The following OSBPL10 variants were observed in gnomAD, a reference collection of about 807,000 sequenced individuals.
OSBPL10 encodes the protein oxysterol binding protein like 10.
OSBPL10 carries 49 observed loss-of-function variants against 81.7 expected under a neutral mutation model. The observed-to-expected ratio is 0.60, with a 90% CI of 0.48 to 0.76. The LOEUF is 0.76. OSBPL10 is among the 30% of genes least tolerant of loss of function. The probability of loss-of-function intolerance (pLI) is 0.00; values close to 1 mark genes in which losing one functional copy is unlikely to be tolerated. For missense variants in OSBPL10, 923 were observed against 987.8 expected (o/e 0.93, Z 0.88); for synonymous variants, 419 against 383.6 (o/e 1.09, Z -1.08).
rs1022396401 is a variant in OSBPL10, at chr3:31,668,674, T to G, written c.2064A>C (p.Arg688Ser). 6.2e-7 allele frequency: 1 copy of G among 1,613,792 alleles called. No individual in the cohort carries two copies. ...TTLPVYPKKI[R>S]PLEKQGPMES... Reference sequence around the variant, plus strand: ...CCATGGGTCCCTGCTTCTCAAGAGGTCTGATCTTCTTGGGATACACTGGCA... The same window carrying G: ...CCATGGGTCCCTGCTTCTCAAGAGGGCTGATCTTCTTGGGATACACTGGCA... Residue 688 changes from arginine to serine, a missense_variant, in exon 10 of 12, where the codon AGA (arginine) becomes AGC (serine). By Grantham distance (110) the Arg-to-Ser change is moderately radical (BLOSUM62 -1). Transcript: ENST00000396556.
At chr3:32,021,604 A>G (rs1699364645) in intron 2 of OSBPL10, among the ~76,000 whole-genome samples, 1 of 152,092 alleles carries the variant, frequency 6.6e-6, no homozygotes, top group Admixed American at 6.5e-5. Context: ...CACCTTTTTC[A>G]TGTACTTGTT....
chr3:31,791,476 C>A (rs1159683432), intron 4 of OSBPL10, among the ~76,000 whole-genome samples: 2 of 152,172 alleles, frequency 1.3e-5, no homozygotes, highest in Non-Finnish European at 2.9e-5. Flanking sequence ...GATAGCCTTG[C>A]ATCATTTTTA....
intron 3 of OSBPL10, among the ~76,000 whole-genome samples, chr3:31,830,722 CT>C (rs1419219764): frequency 6.6e-6 from 1 of 152,196 alleles, no homozygotes; most frequent in Non-Finnish European, 1.5e-5. Flanking sequence ...CAGTTACTTT[CT>C]TAAGAGATGC....
chr3:31,931,569 C>T (rs978253961), intron 1 of OSBPL10, among the ~76,000 whole-genome samples: 10 of 152,206 alleles, frequency 6.6e-5, no homozygotes, highest in African/African-American at 2.4e-4. Context: ...GAATGCCACG[C>T]TCCTTGTCTT....
chr3:32,049,893 G>C (rs1699656707), intron 1 of OSBPL10, among the ~76,000 whole-genome samples: 1 of 152,192 alleles, frequency 6.6e-6, no homozygotes, highest in Non-Finnish European at 1.5e-5. Context: ...CGAGCTCCTT[G>C]CCTTCCCCAC....
chr3:31,861,981 G>C (rs997471625), intron 3 of OSBPL10, among the ~76,000 whole-genome samples: 1 of 152,098 alleles, frequency 6.6e-6, no homozygotes, highest in Non-Finnish European at 1.5e-5. Flanking sequence ...AATATTTACA[G>C]AGTGGCTCAG....
intron 4 of OSBPL10, among the ~76,000 whole-genome samples, chr3:31,767,111 G>A (rs1255348874): frequency 1.3e-5 from 2 of 152,134 alleles, no homozygotes; most frequent in Admixed American, 6.6e-5. Flanking sequence ...AGGTCTGGAG[G>A]GCTATACTTT....
At chr3:31,925,133 A>G (rs1226129057) in intron 1 of OSBPL10, among the ~76,000 whole-genome samples, 2 of 152,162 alleles carry the variant, frequency 1.3e-5, no homozygotes, top group African/African-American at 4.8e-5. Context: ...AAGTAGTAGT[A>G]CTTGGGAGCA....
intron 4 of OSBPL10, among the ~76,000 whole-genome samples, chr3:31,778,430 T>G (rs766038818): frequency 1.3e-5 from 2 of 152,066 alleles, no homozygotes; most frequent in Non-Finnish European, 2.9e-5. Flanking sequence ...ATAGATAGTT[T>G]CAAAAATAGA....
In OSBPL10 at chr3:31,822,522, AT is replaced by A. The variant is rs1241989098; in HGVS notation, c.729+7517del. Among the ~76,000 whole-genome samples, 6 of 152,304 alleles carry A rather than the reference AT, an allele frequency of 3.9e-5. No individual in the cohort carries two copies. The South Asian group carries it at 1.2e-3, about 32-fold the overall frequency. On this transcript the variant is annotated intron_variant, in intron 4 of 11. Transcript: ENST00000396556. The stretch of plus-strand genomic sequence containing the variant: ...TTCAGAAAACATCTAGCAAGGAAGA[AT>A]TTTATTAAAATCACATTGTACTTGT...
chr3:31,974,550 T>C (rs1236182583), intron 1 of OSBPL10, among the ~76,000 whole-genome samples: 1 of 152,210 alleles, frequency 6.6e-6, no homozygotes, highest in African/African-American at 2.4e-5. Flanking sequence ...GAATACCAAA[T>C]AGCAATGAAA....
chr3:31,847,313 C>T (rs1700658685), intron 3 of OSBPL10, among the ~76,000 whole-genome samples: 1 of 151,992 alleles, frequency 6.6e-6, no homozygotes. Flanking sequence ...TCTCGTGCCT[C>T]GGCCTCCTAA....
chr3:32,030,225 C>A, intron 2 of OSBPL10: 1 of 273,246 alleles, frequency 3.7e-6, no homozygotes, highest in Non-Finnish European at 7.3e-6. Flanking sequence ...AGAGGAGAGA[C>A]ACGTGATACA....
intron 8 of OSBPL10, among the ~76,000 whole-genome samples, chr3:31,675,839 G>C (rs1411099742): frequency 6.6e-6 from 1 of 151,754 alleles, no homozygotes; most frequent in African/African-American, 2.4e-5. Context: ...CCAGCTACTC[G>C]GGAGGCTGAG....
chr3:31,685,378 A>C (rs540898697), intron 7 of OSBPL10, among the ~76,000 whole-genome samples: 11 of 152,168 alleles, frequency 7.2e-5, no homozygotes, highest in Non-Finnish European at 1.0e-4. Context: ...AATTTTCTTT[A>C]TTTTAGTAGA....
At chr3:31,743,562 G>T (rs1429588504) in intron 5 of OSBPL10, among the ~76,000 whole-genome samples, 2 of 152,014 alleles carry the variant, frequency 1.3e-5, no homozygotes, top group African/African-American at 2.4e-5. Flanking sequence ...GGAGACAAAG[G>T]CTCCAAAGCA....
chr3:31,762,415 C>T (rs1045537476), intron 4 of OSBPL10, among the ~76,000 whole-genome samples: 1 of 152,084 alleles, frequency 6.6e-6, no homozygotes, highest in African/African-American at 2.4e-5. Flanking sequence ...AGTGCTTTCA[C>T]AGTCACAGTC....
intron 4 of OSBPL10, among the ~76,000 whole-genome samples, chr3:31,787,573 C>T (rs542917821): frequency 9.1e-5 from 13 of 143,520 alleles, no homozygotes; most frequent in African/African-American, 1.8e-4. Flanking sequence ...CCAGCCTGGA[C>T]GACAGAGCAA....
chr3:31,670,736 T>C, intron 9 of OSBPL10, 61 bp downstream of exon 9: 1 of 1,499,342 alleles, frequency 6.7e-7, no homozygotes, highest in Non-Finnish European at 9.1e-7. Context: ...CTTCTAATGG[T>C]GAAAGGAAAC....
Sources: allele counts gnomAD v4.1 joint callset (sites outside exome capture counted in the v4.1 genomes callset), GRCh38; gene constraint gnomAD v4.1.1; transcripts MANE v1.5; gene names NCBI Gene and HGNC (gene_info 2026-07-23, HGNC 2026-07-21).